Variants in GOLGB1 observed in about 807,000 individuals in gnomAD.
GOLGB1 encodes golgin B1.
In GOLGB1, 174 loss-of-function variants were observed where a neutral mutation model predicts 336.9. The ratio of observed to expected loss-of-function variants is 0.52; its 90% confidence interval spans 0.46 to 0.59. The LOEUF (loss-of-function observed/expected upper bound fraction) is 0.59, where lower values mean the gene tolerates loss of function less well. Among genes scored for constraint, GOLGB1 ranks in the 20% least tolerant of loss-of-function variants. The pLI is 0.00. For missense variants in GOLGB1, 3,331 were observed against 3,645.3 expected (o/e 0.91, Z 2.22); for synonymous variants, 1,208 against 1,289.2 (o/e 0.94, Z 1.35).
chr3:121,722,663 C>T (rs1945282358), intron 5 of GOLGB1, among the ~76,000 whole-genome samples: 1 of 152,086 alleles, frequency 6.6e-6, no homozygotes, highest in South Asian at 2.1e-4. Context: ...TTAAATTAGG[C>T]AGACCGTCCT....
In GOLGB1 at chr3:121,698,231, T is replaced by G; in HGVS notation, c.2292A>C (p.Val764=). The change falls in exon 13 of 22, where the codon GTA becomes GTC. Residue 764 remains valine (V), a synonymous_variant. Coordinates refer to ENST00000614479, the MANE Select transcript of GOLGB1 (RefSeq NM_001366282.2). ...GCTTTACCTGAGCCCTCAATTCTGTTACCATGCTAAGTTCCTTCACCTGAG... is the reference window on the plus strand; with the variant it reads ...GCTTTACCTGAGCCCTCAATTCTGTGACCATGCTAAGTTCCTTCACCTGAG... ...LLSQVKELSM[V]TELRAQVKQL... is the part of the protein sequence containing the mutation. 1 of 1,613,976 alleles carries G rather than the reference T, an allele frequency of 6.2e-7. No homozygotes were observed. The highest frequency in any genetic ancestry group is 8.5e-7 in the Non-Finnish European group (1 of 1,179,926).
intron 4 of GOLGB1, 50 bp downstream of exon 4, chr3:121,729,138 T>G: frequency 7.9e-7 from 1 of 1,259,990 alleles, no homozygotes; most frequent in East Asian, 2.4e-5. Flanking sequence ...TCTGCTGTAT[T>G]GGTAGGTTTT....
chr3:121,665,914 G>A (rs1023215075), intron 20 of GOLGB1, among the ~76,000 whole-genome samples: 1 of 152,228 alleles, frequency 6.6e-6, no homozygotes, highest in African/African-American at 2.4e-5. Flanking sequence ...TCTAGAAAGA[G>A]AACTGAGCAT....
In GOLGB1 at chr3:121,697,202, T is replaced by G. The variant is rs771867065; in HGVS notation, c.3321A>C (p.Gln1107His). The change falls in exon 13 of 22, where the codon CAA becomes CAC. Residue 1107 changes from glutamine to histidine, a missense_variant. By Grantham distance (24) the Gln-to-His change is conservative. Transcript: ENST00000614479. ...GCAAATCTATTTGGTTTGTTTTATC[T>G]TGCAAGGTCTGATTCATCTGTTTGA... ...ALVKQMNQTL[Q>H]DKTNQIDLLQ... 8 of 1,614,006 alleles carry G rather than the reference T, an allele frequency of 5.0e-6. No individual in the cohort carries two copies. Among genetic ancestry groups the G allele is most frequent in the Middle Eastern group, 3.3e-4 (2 of 6,084 alleles).
chr3:121,703,580 C>T (rs1424750386), intron 10 of GOLGB1, among the ~76,000 whole-genome samples: 1 of 152,118 alleles, frequency 6.6e-6, no homozygotes, highest in Non-Finnish European at 1.5e-5. Flanking sequence ...TTAAAGCAGC[C>T]CAGCTAAGGC....
chr3:121,679,145 G>C (rs1158651409), intron 15 of GOLGB1, among the ~76,000 whole-genome samples: 1 of 152,148 alleles, frequency 6.6e-6, no homozygotes, highest in Non-Finnish European at 1.5e-5. Context: ...AACTAAGGCT[G>C]AGCAACCCTA....
chr3:121,740,959 C>T (rs2108390633), intron 1 of GOLGB1, among the ~76,000 whole-genome samples: 1 of 151,512 alleles, frequency 6.6e-6, no homozygotes, highest in East Asian at 1.9e-4. Context: ...ATCCTTTAGG[C>T]TTTAGGCTAA....
At chr3:121,743,717 C>T (rs1226527483) in intron 1 of GOLGB1, among the ~76,000 whole-genome samples, 2 of 151,906 alleles carry the variant, frequency 1.3e-5, no homozygotes, top group Non-Finnish European at 2.9e-5. Flanking sequence ...GCTAAAACAC[C>T]AGAAATAGTT....
chr3:121,730,867 A>G lies in GOLGB1; in HGVS notation c.96+9T>C. ...TCTTACCAGTTTAAATCAGAACAGA[A>G]CTACTCACAGGGTCTAGGGGAGCCC... is the stretch of plus-strand genomic sequence containing the variant. On this transcript the variant is annotated intron_variant, in intron 2 of 21. Transcript: ENST00000614479. 1 of 1,608,310 alleles carries G rather than the reference A, an allele frequency of 6.2e-7. No homozygotes were observed. The highest frequency in any genetic ancestry group is 8.5e-7 in the Non-Finnish European group (1 of 1,177,512).
At chr3:121,684,136 A>AAAAAAAAAAAAAAAAAC (rs1941444235) in intron 14 of GOLGB1, among the ~76,000 whole-genome samples, 1 of 148,774 alleles carries the variant, frequency 6.7e-6, no homozygotes, top group Non-Finnish European at 1.5e-5. Flanking sequence ...TCAAAAAAAA[A>AAAAAAAAAAAAAAAAAC]AAAAAAAAAA....
chr3:121,691,895 T>C lies in GOLGB1; in HGVS notation c.7469A>G (p.Glu2490Gly). 1 of 1,614,048 alleles carries C rather than the reference T, an allele frequency of 6.2e-7. No homozygotes were observed. Among genetic ancestry groups the C allele is most frequent in the Non-Finnish European group, 8.5e-7 (1 of 1,179,900 alleles). Reference sequence around the variant, plus strand: ...TTCCAAGATTATAGAGAGATGTCGCTCTTCCAGCTGTTGATAGTCACCCAC... The same window carrying C: ...TTCCAAGATTATAGAGAGATGTCGCCCTTCCAGCTGTTGATAGTCACCCAC... ...RIVGDYQQLE[E>G]RHLSIILEKD... Residue 2490 changes from glutamate to glycine, a missense_variant, in exon 14 of 22, where the codon GAG becomes GGG. Glu to Gly is a moderately conservative substitution (Grantham distance 98). Transcript: ENST00000614479.
chr3:121,710,604 C>T (rs1220012698), intron 10 of GOLGB1, among the ~76,000 whole-genome samples: 1 of 151,928 alleles, frequency 6.6e-6, no homozygotes, highest in Non-Finnish European at 1.5e-5. Flanking sequence ...TTTGGGAGGC[C>T]AAGGGAGGGG....
At chr3:121,733,507 T>G (rs1946266431) in intron 1 of GOLGB1, among the ~76,000 whole-genome samples, 1 of 152,118 alleles carries the variant, frequency 6.6e-6, no homozygotes, top group South Asian at 2.1e-4. Flanking sequence ...ATAAAACATA[T>G]ACATGTATTT....
In GOLGB1 at chr3:121,693,893, T is replaced by C; in HGVS notation, c.6630A>G (p.Ile2210Met). The C allele has an allele frequency of 1.2e-6, 2 of 1,614,054 alleles. No homozygotes were observed. The highest frequency in any genetic ancestry group is 1.7e-6 in the Non-Finnish European group (2 of 1,179,866). ...TCCTCTCCCATTTCTTAGCTTCATCTATCACCCTGTCACGATCATCCTGGA... is the reference window on the plus strand; with the variant it reads ...TCCTCTCCCATTTCTTAGCTTCATCCATCACCCTGTCACGATCATCCTGGA... ...SSLQDDRDRV[I>M]DEAKKWERKF... The change falls in exon 13 of 22, where the codon ATA (isoleucine) becomes ATG (methionine). Residue 2210 changes from isoleucine (I) to methionine (M), a missense_variant. Ile to Met is a conservative substitution (Grantham distance 10). Transcript: ENST00000614479.
At position 121,693,964 on chromosome 3, in the gene GOLGB1, T is replaced by C. The variant is rs147817291; in HGVS notation, c.6559A>G (p.Ser2187Gly). The change falls in exon 13 of 22, where the codon AGT (serine) becomes GGT (glycine). Residue 2187 changes from serine to glycine, a missense_variant. By Grantham distance (56) the Ser-to-Gly change is moderately conservative. Coordinates refer to ENST00000614479, the MANE Select transcript of GOLGB1 (RefSeq NM_001366282.2). ...EVQQLQENLD[S>G]TVTQLAAFTK... ...AAGGCTGCAAGCTGGGTCACAGTAC[T>C]GTCCAAGTTTTCCTGAAGTTGCTGA... 19 of 1,614,154 alleles carry C rather than the reference T, an allele frequency of 1.2e-5. No individual in the cohort carries two copies. In the African/African-American group the frequency reaches 2.0e-4, roughly 17 times the overall value.
Position 121,747,157 on chromosome 3 carries a change from T to C in GOLGB1, c.-3+2475A>G, listed in dbSNP as rs1470860791. ...GATATATATACATGGATGTTATATA[T>C]ATATATATATATATATATATATATA... is the stretch of plus-strand genomic sequence containing the variant. On this transcript the variant is annotated intron_variant, in intron 1 of 21. Transcript: ENST00000614479. 9.3e-5 allele frequency among the ~76,000 whole-genome samples: 5 copies of C among 53,914 alleles called. No individual in the cohort carries two copies. The South Asian group carries it at 2.9e-3, about 31-fold the overall frequency. The allele number at this position is 53,914 out of a possible 152,430, so 35.4% of individuals were successfully genotyped here.
At chr3:121,714,808 A>G in intron 10 of GOLGB1, 53 bp downstream of exon 10, 1 of 1,108,596 alleles carries the variant, frequency 9.0e-7, no homozygotes, top group Non-Finnish European at 1.4e-6. Flanking sequence ...ACCGAAGTAC[A>G]GATACAGCAA....
chr3:121,714,775 CTGGAATAAATCCTCAT>C lies in GOLGB1; in HGVS notation c.1404+70_1404+85del. On this transcript the variant is annotated intron_variant, in intron 10 of 21. Coordinates refer to ENST00000614479, the MANE Select transcript of GOLGB1 (RefSeq NM_001366282.2). Reference sequence around the variant, plus strand: ...AAAAACAGAAGGTTTATATAGCTCTCTGGAATAAATCCTCATTAGAGCACCGAAGTACAGATACAGC... The same window carrying C: ...AAAAACAGAAGGTTTATATAGCTCTCTAGAGCACCGAAGTACAGATACAGC... 4 of 891,202 alleles carry C rather than the reference CTGGAATAAATCCTCAT, an allele frequency of 4.5e-6. 1 individual carries two copies. The highest frequency in any genetic ancestry group is 4.5e-4 in the Middle Eastern group (2 of 4,472). The allele number at this position is 891,202 out of a possible 1,614,324, so 55.2% of individuals were successfully genotyped here.
At chr3:121,719,026 T>C (rs1944985981) in intron 7 of GOLGB1, among the ~76,000 whole-genome samples, 1 of 152,222 alleles carries the variant, frequency 6.6e-6, no homozygotes, top group Admixed American at 6.5e-5. Flanking sequence ...TTCTGAAAGA[T>C]TGCTTAGAAC....
Sources: gnomAD v4.1 joint callset for allele counts (sites outside exome capture counted in the v4.1 genomes callset) on GRCh38, gnomAD v4.1.1 for gene constraint, MANE v1.5 for transcripts, NCBI Gene and HGNC (gene_info 2026-07-23, HGNC 2026-07-21) for gene names.